The following RANBP2 variants were observed in gnomAD, a reference collection of about 807,000 sequenced individuals.
RANBP2 encodes the protein E3 SUMO-protein ligase RanBP2.
In RANBP2, 57 loss-of-function variants were observed where a neutral mutation model predicts 303.6. That is an observed-to-expected ratio of 0.19 (90% CI 0.15 to 0.23). The LOEUF is 0.23. RANBP2 is among the 10% of genes least tolerant of loss of function. The pLI is 1.00. For missense variants in RANBP2, 3,138 were observed against 3,780.8 expected, an observed-to-expected ratio of 0.83 and a Z score of 4.46; for synonymous variants, 1,167 against 1,301.5, an observed-to-expected ratio of 0.90 and a Z score of 2.23.
the RANBP2 span, among the ~76,000 whole-genome samples, chr2:109,655,535 T>C: frequency 8.7e-4 from 133 of 152,284 alleles, 1 homozygote; most frequent in Non-Finnish European, 1.2e-3. Context: ...CTGGGGAGAC[T>C]GCGGAGACAG....
the RANBP2 span, among the ~76,000 whole-genome samples, chr2:109,529,375 A>G: frequency 1.3e-5 from 2 of 152,154 alleles, no homozygotes; most frequent in Non-Finnish European, 1.5e-5. Context: ...TGAAAGGGCG[A>G]TGGAAGCTGC....
At chr2:108,803,514 C>T in the RANBP2 span, among the ~76,000 whole-genome samples, 631 of 152,286 alleles carry the variant, frequency 4.1e-3, 8 homozygotes, top group African/African-American at 0.015. Context: ...TATGCACAGA[C>T]GTCATCATAG....
the RANBP2 span, among the ~76,000 whole-genome samples, chr2:109,464,120 C>T: frequency 6.6e-6 from 1 of 152,130 alleles, no homozygotes; most frequent in Admixed American, 6.5e-5. Flanking sequence ...TACAGGGGAT[C>T]ATTCAGTTTC....
the RANBP2 span, among the ~76,000 whole-genome samples, chr2:109,702,484 G>A: frequency 3.3e-5 from 5 of 152,242 alleles, no homozygotes; most frequent in East Asian, 3.9e-4. Flanking sequence ...GTCTGAAGGC[G>A]TCCTGCAGCA....
At chr2:109,509,559 T>A in the RANBP2 span, among the ~76,000 whole-genome samples, 1 of 152,122 alleles carries the variant, frequency 6.6e-6, no homozygotes, top group Non-Finnish European at 1.5e-5. Flanking sequence ...CTCTTCTTTT[T>A]AAAATGAATT....
the RANBP2 span, chr2:108,804,739 C>T: frequency 1.9e-6 from 1 of 535,068 alleles, no homozygotes; most frequent in South Asian, 7.1e-5. Flanking sequence ...TTATAAATTA[C>T]TTGCCACACT....
chr2:109,648,771 A>G, the RANBP2 span, among the ~76,000 whole-genome samples: 1 of 150,844 alleles, frequency 6.6e-6, no homozygotes, highest in Non-Finnish European at 1.5e-5. Context: ...CTCCTGCCTC[A>G]GCCTCCCGAG....
chr2:109,027,256 A>AC, the RANBP2 span, among the ~76,000 whole-genome samples: 2 of 151,210 alleles, frequency 1.3e-5, no homozygotes, highest in East Asian at 3.9e-4. Flanking sequence ...AAAAAAAAAA[A>AC]AAAAAAAACA....
chr2:109,300,433 G>C, the RANBP2 span, among the ~76,000 whole-genome samples: 1 of 152,182 alleles, frequency 6.6e-6, no homozygotes, highest in Non-Finnish European at 1.5e-5. Flanking sequence ...ACCCACCTCA[G>C]TGTCCCAAAG....
At chr2:109,465,453 ATG>A in the RANBP2 span, among the ~76,000 whole-genome samples, 1 of 152,216 alleles carries the variant, frequency 6.6e-6, no homozygotes, top group Non-Finnish European at 1.5e-5. Context: ...CCAGCAATGA[ATG>A]AGAGTTCTCA....
the RANBP2 span, among the ~76,000 whole-genome samples, chr2:109,133,821 T>C: frequency 1.3e-5 from 2 of 151,762 alleles, no homozygotes; most frequent in African/African-American, 4.8e-5. Context: ...TGCATTAGCA[T>C]AGTTGGGAAT....
chr2:109,564,540 C>CAA, the RANBP2 span: 12 of 1,436,438 alleles, frequency 8.4e-6, no homozygotes, highest in South Asian at 7.8e-5. Context: ...TTCCACTAGC[C>CAA]AAAAAAAAAT....
At chr2:109,335,959 C>T in the RANBP2 span, among the ~76,000 whole-genome samples, 2 of 152,082 alleles carry the variant, frequency 1.3e-5, no homozygotes, top group African/African-American at 4.8e-5. Context: ...TGGGATATGT[C>T]GGTGAGACTG....
the RANBP2 span, among the ~76,000 whole-genome samples, chr2:108,949,621 T>A: frequency 6.6e-6 from 1 of 152,334 alleles, no homozygotes; most frequent in Admixed American, 6.5e-5. Flanking sequence ...GATTTCTCCC[T>A]CTTGCTCATA....
chr2:109,579,847 G>A, the RANBP2 span, among the ~76,000 whole-genome samples: 2 of 151,866 alleles, frequency 1.3e-5, no homozygotes, highest in Non-Finnish European at 2.9e-5. Flanking sequence ...AAGGCCAGGC[G>A]CAGTGGCTCA....
At chr2:108,873,072 TTTG>T in the RANBP2 span, among the ~76,000 whole-genome samples, 38 of 152,270 alleles carry the variant, frequency 2.5e-4, 1 homozygote, top group Middle Eastern at 3.4e-3. Flanking sequence ...GGCTCTTTGA[TTTG>T]TTTTTTGTTT....
the RANBP2 span, among the ~76,000 whole-genome samples, chr2:109,512,688 G>A: frequency 4.6e-5 from 7 of 152,100 alleles, no homozygotes; most frequent in Admixed American, 2.6e-4. Context: ...AAGAGAAGCC[G>A]GGCAGGCTGG....
chr2:109,026,761 T>G, the RANBP2 span, among the ~76,000 whole-genome samples: 1 of 152,174 alleles, frequency 6.6e-6, no homozygotes, highest in African/African-American at 2.4e-5. Flanking sequence ...AGCTGCCAAA[T>G]ACTTCTTAAA....
chr2:109,456,048 G>GTGCAGCCACAGTCTGA, the RANBP2 span, among the ~76,000 whole-genome samples: 5 of 152,346 alleles, frequency 3.3e-5, no homozygotes, highest in African/African-American at 1.2e-4. Flanking sequence ...CTGTCATCAG[G>GTGCAGCCACAGTCTGA]TGCAGCCACA....
Sources: allele counts gnomAD v4.1 joint callset (sites outside exome capture counted in the v4.1 genomes callset), GRCh38; gene constraint gnomAD v4.1.1; transcripts MANE v1.5; gene names NCBI Gene and HGNC (gene_info 2026-07-23, HGNC 2026-07-21).